SLC16A12: variants seen among roughly 807,000 people sequenced by gnomAD.
SLC16A12 encodes solute carrier family 16 member 12, also known as monocarboxylate transporter 12.
SLC16A12 carries 17 observed loss-of-function variants against 42.4 expected under a neutral mutation model. That is an observed-to-expected ratio of 0.40 (90% CI 0.27 to 0.60). The LOEUF (loss-of-function observed/expected upper bound fraction) is 0.60. Among genes scored for constraint, SLC16A12 ranks in the 20% least tolerant of loss-of-function variants. SLC16A12 has a pLI of 0.42. For missense variants in SLC16A12, 544 were observed against 623.0 expected (o/e 0.87, Z 1.35); for synonymous variants, 224 against 229.4 (o/e 0.98, Z 0.21).
At chr10:89,523,036 A>G (rs1010336257) in intron 2 of SLC16A12, among the ~76,000 whole-genome samples, 6 of 152,124 alleles carry the variant, frequency 3.9e-5, no homozygotes, top group African/African-American at 1.2e-4. Context: ...TTCCTGTTTC[A>G]AAGAAAGACT....
At chr10:89,551,988 C>T (rs542063656) in intron 2 of SLC16A12, among the ~76,000 whole-genome samples, 70 of 152,174 alleles carry the variant, frequency 4.6e-4, no homozygotes, top group East Asian at 1.5e-3. Flanking sequence ...CAGGCTGGAG[C>T]GCAGTGGTGT....
intron 6 of SLC16A12, among the ~76,000 whole-genome samples, chr10:89,437,077 T>C (rs527549588): frequency 6.6e-6 from 1 of 152,312 alleles, no homozygotes; most frequent in South Asian, 2.1e-4. Context: ...TCTACCTTAT[T>C]AGATACTTTT....
chr10:89,510,339 A>G (rs1843143706), intron 2 of SLC16A12, among the ~76,000 whole-genome samples: 1 of 152,206 alleles, frequency 6.6e-6, no homozygotes. Context: ...AAACCATACT[A>G]CAAGGCTACA....
intron 2 of SLC16A12, among the ~76,000 whole-genome samples, chr10:89,502,311 A>G (rs1843000989): frequency 6.6e-6 from 1 of 152,058 alleles, no homozygotes; most frequent in Admixed American, 6.6e-5. Flanking sequence ...TTAGCCAGGC[A>G]TGGTGGTGGA....
chr10:89,540,928 CT>C lies in SLC16A12; in HGVS notation c.-47+14953del, dbSNP rs1257162396. ...AAGCAAATTTCTTTTTTTTTTTTCC[CT>C]TTTTTTTTTTGACAAGGAGTCTCAC... On this transcript the variant is annotated intron_variant, in intron 2 of 2. Coordinates refer to the SLC16A12 transcript ENST00000475682. Among the ~76,000 whole-genome samples, 1,272 of 144,076 alleles carry C rather than the reference CT, an allele frequency of 8.8e-3. 17 individuals are homozygous for C. Among genetic ancestry groups the C allele is most frequent in the African/African-American group, 0.029 (1,152 of 39,374 alleles). 94.5% of individuals were successfully genotyped at this position (144,076 alleles called of 152,430 possible).
intron 2 of SLC16A12, among the ~76,000 whole-genome samples, chr10:89,519,009 G>C (rs1843303714): frequency 6.6e-6 from 1 of 152,156 alleles, no homozygotes; most frequent in Non-Finnish European, 1.5e-5. Flanking sequence ...TTTAAGAATA[G>C]TGGTGGTTGC....
At chr10:89,461,823 A>G (rs966047511) in intron 3 of SLC16A12, among the ~76,000 whole-genome samples, 1 of 152,192 alleles carries the variant, frequency 6.6e-6, no homozygotes, top group Admixed American at 6.5e-5. Flanking sequence ...TGCATTTACC[A>G]ATCCTTTAAA....
intron 2 of SLC16A12, among the ~76,000 whole-genome samples, chr10:89,522,856 G>A (rs1301318652): frequency 6.6e-6 from 1 of 152,204 alleles, no homozygotes; most frequent in African/African-American, 2.4e-5. Flanking sequence ...TTTTAACAAT[G>A]CTTGCGATAT....
intron 7 of SLC16A12, among the ~76,000 whole-genome samples, chr10:89,433,994 G>A (rs778061701): frequency 2.0e-5 from 3 of 152,076 alleles, no homozygotes; most frequent in South Asian, 2.1e-4. Context: ...ATTATACTTC[G>A]TCAGGCAATT....
intron 2 of SLC16A12, among the ~76,000 whole-genome samples, chr10:89,477,689 T>G (rs565708215): frequency 3.9e-5 from 6 of 152,236 alleles, no homozygotes; most frequent in African/African-American, 1.4e-4. Flanking sequence ...TAAAATAAAT[T>G]TGATGAATTT....
chr10:89,446,899 A>G (rs1444870617), intron 3 of SLC16A12, among the ~76,000 whole-genome samples: 3 of 152,160 alleles, frequency 2.0e-5, no homozygotes, highest in Non-Finnish European at 4.4e-5. Flanking sequence ...CTCAAAATAA[A>G]GGGATGGAGG....
upstream of SLC16A12, chr10:89,535,689 C>T (rs1026742608): frequency 1.3e-5 from 2 of 152,194 alleles, no homozygotes; most frequent in Non-Finnish European, 2.9e-5. Context: ...CTCACCTCGC[C>T]GGGACCACTG....
intron 2 of SLC16A12, among the ~76,000 whole-genome samples, chr10:89,506,704 C>T (rs1484285512): frequency 6.6e-6 from 1 of 152,082 alleles, no homozygotes; most frequent in Non-Finnish European, 1.5e-5. Flanking sequence ...AGCAAGGGAA[C>T]AAAACTGGAC....
chr10:89,468,107 A>G (rs2133761293), intron 2 of SLC16A12: 1 of 152,350 alleles, frequency 6.6e-6, no homozygotes, highest in South Asian at 2.1e-4. Flanking sequence ...GCAATTGTAT[A>G]AATCCAAATA....
intron 2 of SLC16A12, among the ~76,000 whole-genome samples, chr10:89,470,949 C>A (rs1379617850): frequency 6.6e-6 from 1 of 152,016 alleles, no homozygotes; most frequent in African/African-American, 2.4e-5. Flanking sequence ...CTCCCCTAGA[C>A]CAGACACACT....
rs141922113 is a variant in SLC16A12, at chr10:89,509,106, G to A, written c.-47+25395C>T. ...TCTGAAATTAAGGCAATAATTAATA[G>A]CCTACCAACCAAAAAAAGTCCAGGA... is the stretch of plus-strand genomic sequence containing the variant. On this transcript the variant is annotated intron_variant, in intron 2 of 7. Transcript: ENST00000371790. Among the ~76,000 whole-genome samples the A allele has an allele frequency of 9.0e-3, 1,371 of 152,106 alleles. 21 individuals are homozygous for A. The highest frequency in any genetic ancestry group is 0.031 in the African/African-American group (1,305 of 41,476).
At chr10:89,433,409 G>A (rs1841724922) in intron 7 of SLC16A12, 83 bp from the exon 8 acceptor site, 4 of 1,392,390 alleles carry the variant, frequency 2.9e-6, no homozygotes, top group Non-Finnish European at 4.0e-6. Flanking sequence ...GATTTGTAAG[G>A]ATAATAATAG....
chr10:89,432,819 G>A lies in SLC16A12; in HGVS notation c.*245C>T, dbSNP rs537135728. 3 of 481,156 alleles carry A rather than the reference G, an allele frequency of 6.2e-6. No homozygotes were observed. Among genetic ancestry groups the A allele is most frequent in the African/African-American group, 5.8e-5 (3 of 51,500 alleles). 29.8% of individuals were successfully genotyped at this position (481,156 alleles called of 1,614,324 possible). On this transcript the variant is annotated 3_prime_UTR_variant, in exon 8 of 8. Coordinates refer to ENST00000371790, the MANE Select transcript of SLC16A12 (RefSeq NM_213606.4). The stretch of plus-strand genomic sequence containing the variant: ...GTCCTTACATTTCTTACAGAGCTAT[G>A]CCCATTGACCAAAAGATACGAGTTC...
chr10:89,519,547 T>C (rs532139836), intron 2 of SLC16A12, among the ~76,000 whole-genome samples: 43 of 152,202 alleles, frequency 2.8e-4, no homozygotes, highest in African/African-American at 1.0e-3. Flanking sequence ...GGAGTGTATG[T>C]GCACACAGGA....
Sources: allele counts gnomAD v4.1 joint callset (sites outside exome capture counted in the v4.1 genomes callset), GRCh38; gene constraint gnomAD v4.1.1; transcripts MANE v1.5; gene names NCBI Gene and HGNC (gene_info 2026-07-23, HGNC 2026-07-21).